SHTN1: variants seen among roughly 807,000 people sequenced by gnomAD.
SHTN1 encodes the protein shootin 1, also known as shootin-1.
SHTN1 carries 42 observed loss-of-function variants against 83.1 expected under a neutral mutation model. The ratio of observed to expected loss-of-function variants is 0.51; its 90% confidence interval spans 0.39 to 0.65. SHTN1 has a LOEUF of 0.65. Among genes scored for constraint, SHTN1 ranks in the 30% least tolerant of loss-of-function variants. The pLI, the probability that SHTN1 is intolerant of heterozygous loss-of-function variation, is 0.00. For synonymous variants in SHTN1, 224 were observed against 247.7 expected (o/e 0.90, Z 0.90); for missense variants, 622 against 737.8 (o/e 0.84, Z 1.82).
intron 4 of SHTN1, among the ~76,000 whole-genome samples, chr10:116,955,590 T>C (rs1315422166): frequency 1.3e-5 from 2 of 152,174 alleles, no homozygotes; most frequent in Non-Finnish European, 2.9e-5. Flanking sequence ...TGCTCTTTCA[T>C]TTGTGATCAT....
chr10:117,123,127 C>T (rs1218687715), intron 1 of SHTN1, among the ~76,000 whole-genome samples: 1 of 152,084 alleles, frequency 6.6e-6, no homozygotes, highest in African/African-American at 2.4e-5. Context: ...CTCAGCCTCC[C>T]AAGTAGTTGG....
intron 1 of SHTN1, among the ~76,000 whole-genome samples, chr10:116,985,989 C>T (rs1851204641): frequency 6.6e-6 from 1 of 152,130 alleles, no homozygotes. Context: ...GATTTCATAT[C>T]CTGAAAAGAA....
chr10:117,099,277 A>G (rs552181299), intron 1 of SHTN1, among the ~76,000 whole-genome samples: 2 of 152,234 alleles, frequency 1.3e-5, no homozygotes, highest in South Asian at 2.1e-4. Context: ...TATTGGGTAC[A>G]GTGTACACTG....
At chr10:116,911,037 C>T (rs767441446) in intron 14 of SHTN1, among the ~76,000 whole-genome samples, 4 of 152,196 alleles carry the variant, frequency 2.6e-5, no homozygotes, top group African/African-American at 7.2e-5. Context: ...CAGTCTTGTA[C>T]CTCCGCCCCC....
chr10:116,917,370 T>C (rs1415016474), intron 12 of SHTN1, among the ~76,000 whole-genome samples: 2 of 152,180 alleles, frequency 1.3e-5, no homozygotes, highest in Admixed American at 6.5e-5. Flanking sequence ...AATGGCACGA[T>C]CTCGGCTCAC....
chr10:117,023,593 T>G (rs1564933582), intron 2 of SHTN1: 1 of 152,616 alleles, frequency 6.6e-6, no homozygotes, highest in African/African-American at 2.4e-5. Flanking sequence ...AGAATACACT[T>G]GAAAATCTAT....
intron 1 of SHTN1, among the ~76,000 whole-genome samples, chr10:117,118,210 C>A (rs973779445): frequency 6.6e-6 from 1 of 151,900 alleles, no homozygotes; most frequent in Admixed American, 6.6e-5. Context: ...CACATACATA[C>A]ACACAAATAA....
At chr10:116,986,398 T>A (rs1851218849) in intron 1 of SHTN1, among the ~76,000 whole-genome samples, 1 of 152,174 alleles carries the variant, frequency 6.6e-6, no homozygotes. Flanking sequence ...ACCTGGTAAC[T>A]GGTACTGGGA....
chr10:117,071,209 TATG>T (rs1308077736), intron 1 of SHTN1, among the ~76,000 whole-genome samples: 5 of 152,208 alleles, frequency 3.3e-5, no homozygotes, highest in East Asian at 1.9e-4. Flanking sequence ...TATCAATAAT[TATG>T]ATGTTTCCTC....
intron 1 of SHTN1, among the ~76,000 whole-genome samples, chr10:117,111,058 C>T (rs527539423): frequency 1.3e-5 from 2 of 151,918 alleles, no homozygotes; most frequent in East Asian, 2.0e-4. Flanking sequence ...ATTAGCCTGG[C>T]GTGGTGGCAC....
chr10:116,961,961 T>C (rs1667790200), intron 3 of SHTN1, among the ~76,000 whole-genome samples: 1 of 152,212 alleles, frequency 6.6e-6, no homozygotes, highest in South Asian at 2.1e-4. Flanking sequence ...GCCTTAGTGG[T>C]CTTATCATTA....
intron 16 of SHTN1, chr10:116,901,391 G>A (rs1016872590): frequency 7.1e-6 from 7 of 985,180 alleles, no homozygotes; most frequent in Admixed American, 1.2e-4. Context: ...AGTAGTCTCT[G>A]AAAGATCTAG....
intron 1 of SHTN1, among the ~76,000 whole-genome samples, chr10:117,062,051 A>T (rs2133596147): frequency 6.6e-6 from 1 of 152,284 alleles, no homozygotes; most frequent in East Asian, 1.9e-4. Context: ...TCTGCTAAGG[A>T]ATTTCAGCTC....
upstream of SHTN1, among the ~76,000 whole-genome samples, chr10:117,009,882 G>A (rs1852077541): frequency 6.6e-6 from 1 of 151,440 alleles, no homozygotes; most frequent in Admixed American, 6.6e-5. Context: ...CAGCCTGGGC[G>A]ACAGAGTGAG....
upstream of SHTN1, among the ~76,000 whole-genome samples, chr10:117,009,013 G>T (rs1172049430): frequency 6.6e-6 from 1 of 152,142 alleles, no homozygotes; most frequent in Non-Finnish European, 1.5e-5. Context: ...TACTCAGGAG[G>T]CTGAGGCAGG....
Position 116,881,940 on chromosome 10 carries a change from A to G in SHTN1, c.*4404T>C. 3.3e-6 allele frequency: 1 copy of G among 302,876 alleles called. No homozygotes were observed. Among genetic ancestry groups the G allele is most frequent in the Non-Finnish European group, 6.0e-6 (1 of 166,564 alleles). 18.8% of individuals were successfully genotyped at this position (302,876 alleles called of 1,614,324 possible). A position where few individuals can be genotyped will look rare whatever the true frequency, so the allele number is the denominator to read the frequency against. On this transcript the variant is annotated 3_prime_UTR_variant, in exon 17 of 17. Coordinates refer to ENST00000355371, the MANE Select transcript of SHTN1 (RefSeq NM_001127211.3). ...ATTTTTCAGGGACACGCTCCAGTAAAAGAGGCCAATATTTTTGTTGCCAAC... is the reference window on the plus strand; with the variant it reads ...ATTTTTCAGGGACACGCTCCAGTAAGAGAGGCCAATATTTTTGTTGCCAAC...
upstream of SHTN1, chr10:117,005,283 C>T: frequency 7.0e-7 from 1 of 1,429,340 alleles, no homozygotes; most frequent in African/African-American, 1.4e-5. Context: ...GCCGCTTCAC[C>T]TGCAGGCGGG....
rs142582783 is a variant in SHTN1 at position 116,998,946 on chromosome 10, A to G, written c.58+6076T>C. Among the ~76,000 whole-genome samples, 257 of 152,318 alleles carry G rather than the reference A, an allele frequency of 1.7e-3. 2 individuals are homozygous for G. Among genetic ancestry groups the G allele is most frequent in the African/African-American group, 5.9e-3 (246 of 41,558 alleles). On this transcript the variant is annotated intron_variant, in intron 1 of 16. Coordinates refer to ENST00000355371, the MANE Select transcript of SHTN1 (RefSeq NM_001127211.3). ...TGTGTAACCATCCATACCTGTATTAAGCTAAACATGAGTTCACACTGATGT... is the reference window on the plus strand; with the variant it reads ...TGTGTAACCATCCATACCTGTATTAGGCTAAACATGAGTTCACACTGATGT...
At chr10:117,072,178 T>G (rs1441252580) in intron 1 of SHTN1, among the ~76,000 whole-genome samples, 1 of 152,192 alleles carries the variant, frequency 6.6e-6, no homozygotes, top group Non-Finnish European at 1.5e-5. Flanking sequence ...CTTTCTCCTG[T>G]GCTGGATGCT....
Sources: gnomAD v4.1 joint callset for allele counts (sites outside exome capture counted in the v4.1 genomes callset) on GRCh38, gnomAD v4.1.1 for gene constraint, MANE v1.5 for transcripts, NCBI Gene and HGNC (gene_info 2026-07-23, HGNC 2026-07-21) for gene names.